Variants in CLIC4 observed in about 807,000 individuals in gnomAD.
CLIC4 encodes the protein CLIC family member 4.
A neutral mutation model predicts 24.6 loss-of-function variants in CLIC4; 13 were observed. The ratio of observed to expected loss-of-function variants is 0.53; its 90% confidence interval spans 0.34 to 0.84. CLIC4 has a LOEUF of 0.84. CLIC4 is among the 40% of genes least tolerant of loss of function. The pLI is 0.01. For missense variants in CLIC4, 227 were observed against 301.7 expected, an observed-to-expected ratio of 0.75 and a Z score of 1.83; for synonymous variants, 104 against 111.3, an observed-to-expected ratio of 0.93 and a Z score of 0.41.
intron 1 of CLIC4, among the ~76,000 whole-genome samples, chr1:24,762,251 C>T (rs1213251485): frequency 6.6e-6 from 1 of 151,956 alleles, no homozygotes; most frequent in Non-Finnish European, 1.5e-5. Context: ...GACCCCATCC[C>T]TGCAAAAATA....
chr1:24,795,735 A>G (rs1639391190), intron 1 of CLIC4, among the ~76,000 whole-genome samples: 1 of 151,982 alleles, frequency 6.6e-6, no homozygotes, highest in Non-Finnish European at 1.5e-5. Flanking sequence ...ACGCCTGGCT[A>G]ATTTTTGTAT....
Position 24,804,361 on chromosome 1 carries a change from G to T in CLIC4, c.182+6510G>T, listed in dbSNP as rs535290470. On this transcript the variant is annotated intron_variant, in intron 2 of 5. Coordinates refer to ENST00000374379, the MANE Select transcript of CLIC4 (RefSeq NM_013943.3). ...ATGTGTACCCACTGTGTGTGTGGGG[G>T]GTGTGTGTATGTGTGTGCATGTGTG... 7.5e-5 allele frequency among the ~76,000 whole-genome samples: 11 copies of T among 147,130 alleles called. No homozygotes were observed. In the South Asian group the frequency reaches 8.8e-4, roughly 12 times the overall value.
At chr1:24,814,685 C>T (rs2124153079) in intron 3 of CLIC4, among the ~76,000 whole-genome samples, 1 of 152,236 alleles carries the variant, frequency 6.6e-6, no homozygotes, top group Admixed American at 6.5e-5. Context: ...CGACTGTGTC[C>T]CTAGGATTCA....
At chr1:24,786,164 C>G (rs1378668045) in intron 1 of CLIC4, among the ~76,000 whole-genome samples, 1 of 152,174 alleles carries the variant, frequency 6.6e-6, no homozygotes, top group Non-Finnish European at 1.5e-5. Flanking sequence ...CTTCTCTCTT[C>G]CCCTAGTCAT....
At chr1:24,754,289 A>G (rs1333699410) in intron 1 of CLIC4, among the ~76,000 whole-genome samples, 2 of 152,136 alleles carry the variant, frequency 1.3e-5, no homozygotes, top group Admixed American at 6.5e-5. Context: ...GAAAGAGGCA[A>G]TTGGGAGAAG....
chr1:24,749,659 CAAAAGTAA>C (rs1238760173), intron 1 of CLIC4, among the ~76,000 whole-genome samples: 1 of 152,098 alleles, frequency 6.6e-6, no homozygotes, highest in East Asian at 1.9e-4. Context: ...GATGCCCTCT[CAAAAGTAA>C]AAAAGGCAGC....
chr1:24,760,413 C>T (rs1452241587), intron 1 of CLIC4, among the ~76,000 whole-genome samples: 1 of 151,940 alleles, frequency 6.6e-6, no homozygotes, highest in African/African-American at 2.4e-5. Context: ...TCCTGCTTTC[C>T]CTAGTTGTTT....
At position 24,806,975 on chromosome 1, in the gene CLIC4, C is replaced by G. The variant is rs113060042; in HGVS notation, c.183-7119C>G. On this transcript the variant is annotated intron_variant, in intron 2 of 5. Coordinates refer to ENST00000374379, the MANE Select transcript of CLIC4 (RefSeq NM_013943.3). ...AGCCTTGGTTCTTTTTTCTCTGATACGCTAGTTTTCTCCCTCTCCCAATAA... is the reference window on the plus strand; with the variant it reads ...AGCCTTGGTTCTTTTTTCTCTGATAGGCTAGTTTTCTCCCTCTCCCAATAA... Among the ~76,000 whole-genome samples the G allele has an allele frequency of 3.0e-3, 460 of 152,072 alleles. 1 individual carries two copies. Among genetic ancestry groups the G allele is most frequent in the African/African-American group, 0.01 (431 of 41,494 alleles).
intron 2 of CLIC4, among the ~76,000 whole-genome samples, chr1:24,800,350 G>C (rs1160710303): frequency 7.7e-6 from 1 of 130,582 alleles, no homozygotes; most frequent in Non-Finnish European, 1.7e-5. Context: ...AGGTGGGGGG[G>C]TCAGCCCCCC....
chr1:24,782,958 C>G (rs1289753298), intron 1 of CLIC4, among the ~76,000 whole-genome samples: 2 of 151,974 alleles, frequency 1.3e-5, no homozygotes, highest in Admixed American at 1.3e-4. Flanking sequence ...CCAGCCTGGG[C>G]AGCAGAGCAA....
At chr1:24,832,216 A>G (rs1201996819) in intron 4 of CLIC4, among the ~76,000 whole-genome samples, 12 of 486 alleles carry the variant, frequency 0.025, 6 homozygotes, top group African/African-American at 0.026. Flanking sequence ...TATTTTTTTT[A>G]TTTTTTATTT....
intron 1 of CLIC4, among the ~76,000 whole-genome samples, chr1:24,773,623 G>A (rs1639098225): frequency 8.5e-6 from 1 of 117,508 alleles, no homozygotes; most frequent in Non-Finnish European, 1.7e-5. Flanking sequence ...TTTTGACAGG[G>A]CCTCACTTTG....
intron 3 of CLIC4, among the ~76,000 whole-genome samples, chr1:24,818,637 C>T (rs10794663): frequency 0.95 from 145,328 of 152,184 alleles, 69,737 homozygotes; most frequent in East Asian, 1. Context: ...ATTCATTCTG[C>T]AAAGCATTAA....
At chr1:24,800,372 C>T (rs1337550359) in intron 2 of CLIC4, among the ~76,000 whole-genome samples, 15 of 142,572 alleles carry the variant, frequency 1.1e-4, no homozygotes, top group African/African-American at 3.4e-4. Flanking sequence ...CCCGGCCAGC[C>T]GCCCCGTCCG....
chr1:24,747,533 C>CAAAA (rs35626709), intron 1 of CLIC4, among the ~76,000 whole-genome samples: 3 of 92,646 alleles, frequency 3.2e-5, no homozygotes, highest in Non-Finnish European at 6.0e-5. Flanking sequence ...GACTCCATCT[C>CAAAA]AAAAAAAAAA....
At position 24,745,579 on chromosome 1, in the gene CLIC4, G is replaced by A. The variant is rs748404392; in HGVS notation, c.26G>A (p.Gly9Glu). 2.5e-6 allele frequency: 4 copies of A among 1,592,026 alleles called. No homozygotes were observed. The highest frequency in any genetic ancestry group is 3.4e-6 in the Non-Finnish European group (4 of 1,171,852). The change falls in exon 1 of 6, where the codon GGG (glycine) becomes GAG (glutamate). Residue 9 changes from glycine to glutamate, a missense_variant. By Grantham distance (98) the Gly-to-Glu change is moderately conservative (BLOSUM62 -2). Coordinates refer to ENST00000374379, the MANE Select transcript of CLIC4 (RefSeq NM_013943.3). MALSMPLN[G>E]LKEEDKEPLI... The stretch of plus-strand genomic sequence containing the variant: ...ATGGCGTTGTCGATGCCGCTGAATG[G>A]GCTGAAGGAGGAGGACAAAGAGCCC...
At chr1:24,819,079 T>C (rs757130411) in intron 3 of CLIC4, among the ~76,000 whole-genome samples, 41 of 152,182 alleles carry the variant, frequency 2.7e-4, no homozygotes, top group Non-Finnish European at 4.0e-4. Flanking sequence ...GCTTCTCATC[T>C]GTTGTGAGCA....
intron 3 of CLIC4, among the ~76,000 whole-genome samples, chr1:24,819,686 G>A (rs1426438327): frequency 1.3e-5 from 2 of 151,568 alleles, no homozygotes; most frequent in Middle Eastern, 3.4e-3. Flanking sequence ...TGATCCACCC[G>A]CCTCGGCCTC....
rs1212033050 is a variant in CLIC4, at chr1:24,820,067, G to GTGTGTGTATA, written c.308+5849_308+5850insGTGTGTATAT. Among the ~76,000 whole-genome samples the GTGTGTGTATA allele has an allele frequency of 1.4e-4, 5 of 36,482 alleles. No individual in the cohort carries two copies. In the Admixed American group the frequency reaches 1.4e-3, roughly 10 times the overall value. 23.9% of individuals were successfully genotyped at this position (36,482 alleles called of 152,430 possible). A position where few individuals can be genotyped will look rare whatever the true frequency, so the allele number is the denominator to read the frequency against. On this transcript the variant is annotated intron_variant, in intron 3 of 5. Transcript: ENST00000374379. ...TACTTCAAAAAAAAAAAAAAAGTAT[G>GTGTGTGTATA]TATATATATATGTATATATATATAT...
Sources: allele counts gnomAD v4.1 joint callset (sites outside exome capture counted in the v4.1 genomes callset), GRCh38; gene constraint gnomAD v4.1.1; transcripts MANE v1.5; gene names NCBI Gene and HGNC (gene_info 2026-07-23, HGNC 2026-07-21).